Variants in SLC35F1 observed in about 807,000 individuals in gnomAD.
SLC35F1 encodes solute carrier family 35 member F1, also known as chromosome 6 open reading frame 169.
A neutral mutation model predicts 48.7 loss-of-function variants in SLC35F1; 14 were observed. That is an observed-to-expected ratio of 0.29 (90% confidence interval 0.19 to 0.45). The LOEUF (loss-of-function observed/expected upper bound fraction) is 0.45. Ranked by LOEUF, SLC35F1 falls within the 20% of genes least tolerant of loss-of-function variation. The pLI is 1.00. For missense variants in SLC35F1, 404 were observed against 500.0 expected, an observed-to-expected ratio of 0.81 and a Z score of 1.83; for synonymous variants, 190 against 202.2, an observed-to-expected ratio of 0.94 and a Z score of 0.51.
chr6:118,205,004 G>T (rs1269980104), intron 2 of SLC35F1, among the ~76,000 whole-genome samples: 1 of 152,168 alleles, frequency 6.6e-6, no homozygotes, highest in Non-Finnish European at 1.5e-5. Flanking sequence ...CCCTAGTAAG[G>T]CAGGAAAGCC....
chr6:117,927,704 A>G (rs1341468226), intron 1 of SLC35F1, among the ~76,000 whole-genome samples: 1 of 152,168 alleles, frequency 6.6e-6, no homozygotes, highest in Admixed American at 6.5e-5. Flanking sequence ...ATTGTAGTCA[A>G]CAAATATTTG....
intron 1 of SLC35F1, among the ~76,000 whole-genome samples, chr6:118,110,636 A>G (rs528214930): frequency 6.6e-5 from 10 of 152,300 alleles, no homozygotes; most frequent in Admixed American, 6.5e-4. Context: ...CTGTGGTGTC[A>G]GAGGCTGAAA....
At chr6:118,031,532 A>G (rs551011713) in intron 1 of SLC35F1, among the ~76,000 whole-genome samples, 5 of 152,272 alleles carry the variant, frequency 3.3e-5, no homozygotes, top group African/African-American at 1.2e-4. Context: ...AATCCTAGTG[A>G]TGCAGGACAG....
intron 1 of SLC35F1, among the ~76,000 whole-genome samples, chr6:118,132,550 C>T (rs759379888): frequency 2.0e-5 from 3 of 152,168 alleles, no homozygotes; most frequent in Admixed American, 1.3e-4. Flanking sequence ...AGGATTAATC[C>T]GTGGAAAGCC....
rs147380575 is a variant in SLC35F1 at position 118,114,259 on chromosome 6, A to G, written c.174-40186A>G. The stretch of plus-strand genomic sequence containing the variant: ...TACCTTACCTTTTTTCTTTATAAAG[A>G]CTAAATTATCATCGCAATTATGTTT... On this transcript the variant is annotated intron_variant, in intron 1 of 7. Transcript: ENST00000360388. Among the ~76,000 whole-genome samples the G allele has an allele frequency of 1.1e-4, 17 of 152,264 alleles. No individual in the cohort carries two copies. The East Asian group carries it at 3.3e-3, about 29-fold the overall frequency.
At chr6:118,139,779 T>TA (rs1773855355) in intron 1 of SLC35F1, among the ~76,000 whole-genome samples, 1 of 152,240 alleles carries the variant, frequency 6.6e-6, no homozygotes, top group African/African-American at 2.4e-5. Context: ...GCTCTTGGTT[T>TA]ACCAGTCTGC....
intron 2 of SLC35F1, among the ~76,000 whole-genome samples, chr6:118,200,452 CCCTGCCAGTGT>C (rs1325636587): frequency 6.6e-6 from 1 of 152,128 alleles, no homozygotes; most frequent in South Asian, 2.1e-4. Flanking sequence ...ATACCCTGTC[CCCTGCCAGTGT>C]CCTTCCAGGT....
chr6:117,997,475 G>T (rs1777012825), intron 1 of SLC35F1, among the ~76,000 whole-genome samples: 1 of 152,008 alleles, frequency 6.6e-6, no homozygotes, highest in Non-Finnish European at 1.5e-5. Flanking sequence ...ATAACTGTCA[G>T]ATTCACCAAA....
At chr6:118,147,006 CAGAT>C (rs1192569572) in intron 1 of SLC35F1, among the ~76,000 whole-genome samples, 1 of 152,084 alleles carries the variant, frequency 6.6e-6, no homozygotes. Context: ...CTGTAGAAGA[CAGAT>C]AGAGGCTTGT....
At chr6:118,044,224 T>C (rs943675125) in intron 1 of SLC35F1, among the ~76,000 whole-genome samples, 3 of 152,198 alleles carry the variant, frequency 2.0e-5, no homozygotes, top group Non-Finnish European at 4.4e-5. Flanking sequence ...CCATCATCCA[T>C]AGGAGCTGTG....
chr6:117,967,422 A>C (rs982137400), intron 1 of SLC35F1, among the ~76,000 whole-genome samples: 2 of 152,222 alleles, frequency 1.3e-5, no homozygotes, highest in Admixed American at 6.5e-5. Flanking sequence ...AAAAGGTACT[A>C]ATGTTGCCTA....
intron 1 of SLC35F1, chr6:117,998,883 A>G: frequency 1.5e-6 from 1 of 668,828 alleles, no homozygotes; most frequent in Admixed American, 2.3e-5. Context: ...AGCAAGAGCA[A>G]ACACATTCAA....
At chr6:118,255,532 C>T (rs1192705863) in intron 3 of SLC35F1, among the ~76,000 whole-genome samples, 5 of 152,254 alleles carry the variant, frequency 3.3e-5, no homozygotes, top group South Asian at 4.1e-4. Context: ...CTGTATGTTC[C>T]GGTCACCTAG....
At chr6:117,987,330 T>C (rs1177486957) in intron 1 of SLC35F1, among the ~76,000 whole-genome samples, 3 of 151,776 alleles carry the variant, frequency 2.0e-5, no homozygotes, top group Admixed American at 2.0e-4. Context: ...TCTTGTTCTT[T>C]TTCTTCCTCC....
At chr6:118,121,174 A>G (rs887113016) in intron 1 of SLC35F1, among the ~76,000 whole-genome samples, 1 of 152,174 alleles carries the variant, frequency 6.6e-6, no homozygotes, top group South Asian at 2.1e-4. Context: ...CCAATTCACC[A>G]TGGTAAGCAT....
In SLC35F1 at chr6:118,072,622, TTTTTGTTTCCTACAGG is replaced by T. The variant is rs1188807874; in HGVS notation, c.174-81822_174-81807del. On this transcript the variant is annotated intron_variant, in intron 1 of 7. Transcript: ENST00000360388. Reference sequence around the variant, plus strand: ...TTCTTAATCACATTTTTATTCTCTTTTTTTGTTTCCTACAGGATAATATTTCATTTTTTGTTCTAAT... The same window carrying T: ...TTCTTAATCACATTTTTATTCTCTTTATAATATTTCATTTTTTGTTCTAAT... Among the ~76,000 whole-genome samples the T allele has an allele frequency of 4.6e-5, 7 of 152,172 alleles. No homozygotes were observed. The East Asian group carries it at 1.3e-3, about 29-fold the overall frequency.
intron 1 of SLC35F1, among the ~76,000 whole-genome samples, chr6:118,064,264 C>T (rs1041346464): frequency 2.6e-5 from 4 of 152,194 alleles, no homozygotes; most frequent in African/African-American, 9.6e-5. Flanking sequence ...CCTCCCACAA[C>T]ACATGGAAAT....
intron 1 of SLC35F1, among the ~76,000 whole-genome samples, chr6:118,046,661 T>C (rs991457877): frequency 1.3e-5 from 2 of 152,146 alleles, no homozygotes; most frequent in African/African-American, 4.8e-5. Context: ...TTTGTATAGC[T>C]CCTAGGATAG....
intron 1 of SLC35F1, among the ~76,000 whole-genome samples, chr6:117,933,718 G>A (rs1184224377): frequency 6.6e-6 from 1 of 152,164 alleles, no homozygotes; most frequent in Non-Finnish European, 1.5e-5. Context: ...CAGCAGTCAG[G>A]CAGCCATTGT....
Sources: allele counts gnomAD v4.1 joint callset (sites outside exome capture counted in the v4.1 genomes callset), GRCh38; gene constraint gnomAD v4.1.1; transcripts MANE v1.5; gene names NCBI Gene and HGNC (gene_info 2026-07-23, HGNC 2026-07-21).